Variants in TANC2 observed in about 807,000 individuals in gnomAD.
The protein encoded by TANC2 is protein TANC2.
In TANC2, 26 loss-of-function variants were observed where a neutral mutation model predicts 210.5. That is an observed-to-expected ratio of 0.12 (90% CI 0.09 to 0.17). The LOEUF (loss-of-function observed/expected upper bound fraction) is 0.17. TANC2 is among the 10% of genes least tolerant of loss of function. The probability of loss-of-function intolerance (pLI) is 1.00; values close to 1 mark genes in which losing one functional copy is unlikely to be tolerated. For missense variants in TANC2, 2,129 were observed against 2,608.9 expected, an observed-to-expected ratio of 0.82 and a Z score of 4.01; for synonymous variants, 931 against 967.1, an observed-to-expected ratio of 0.96 and a Z score of 0.69.
chr17:63,387,067 C>G (rs1358247352), intron 15 of TANC2, among the ~76,000 whole-genome samples: 5 of 152,116 alleles, frequency 3.3e-5, no homozygotes, highest in Non-Finnish European at 5.9e-5. Context: ...TTTCCCTGGT[C>G]TCAAGCTCCT....
chr17:63,019,868 C>CT (rs1568322631), intron 2 of TANC2, among the ~76,000 whole-genome samples: 1 of 152,084 alleles, frequency 6.6e-6, no homozygotes, highest in Non-Finnish European at 1.5e-5. Flanking sequence ...ATATTCTAGC[C>CT]TTTGTCAGAT....
At chr17:63,417,001 A>G (rs2048884375) in intron 26 of TANC2, among the ~76,000 whole-genome samples, 1 of 152,194 alleles carries the variant, frequency 6.6e-6, no homozygotes, top group Non-Finnish European at 1.5e-5. Flanking sequence ...CAAATAATAG[A>G]CTTTTTAAAA....
intron 12 of TANC2, among the ~76,000 whole-genome samples, chr17:63,345,331 T>A (rs1421945481): frequency 6.6e-6 from 1 of 152,154 alleles, no homozygotes; most frequent in Non-Finnish European, 1.5e-5. Flanking sequence ...AGATTAAACA[T>A]AATCCTGGCT....
chr17:63,122,185 A>C (rs1024252218), intron 4 of TANC2, among the ~76,000 whole-genome samples: 5 of 152,116 alleles, frequency 3.3e-5, no homozygotes, highest in African/African-American at 4.8e-5. Flanking sequence ...TGATAGAGAA[A>C]CGGTTTAGCA....
At position 63,411,457 on chromosome 17, in the gene TANC2, C is replaced by G. The variant is rs965192379; in HGVS notation, c.3590-54C>G. 5 of 1,535,704 alleles carry G rather than the reference C, an allele frequency of 3.3e-6. No individual in the cohort carries two copies. In the African/African-American group the frequency reaches 6.8e-5, roughly 21 times the overall value. ...CATGCCCCTTCAGCGTACTTCCCCT[C>G]CTGCTGTGTGATTCCATGTCTCCTC... On this transcript the variant is annotated intron_variant, in intron 21 of 27. Transcript: ENST00000689528.
At chr17:63,413,477 A>G (rs1448654239) in intron 24 of TANC2, 66 bp from the exon 25 acceptor site, 6 of 1,299,670 alleles carry the variant, frequency 4.6e-6, no homozygotes, top group Middle Eastern at 1.9e-4. Flanking sequence ...TATTTTTTTC[A>G]CCTAGCTTCC....
intron 8 of TANC2, among the ~76,000 whole-genome samples, chr17:63,244,411 T>C (rs1014752530): frequency 6.6e-6 from 1 of 152,230 alleles, no homozygotes; most frequent in African/African-American, 2.4e-5. Context: ...CCTACTCATT[T>C]TGTTTTAAAT....
intron 3 of TANC2, among the ~76,000 whole-genome samples, chr17:63,078,583 A>C (rs2036653455): frequency 1.3e-5 from 2 of 152,164 alleles, no homozygotes; most frequent in South Asian, 4.1e-4. Flanking sequence ...TTAGTTACAT[A>C]GATTCTGATA....
intron 4 of TANC2, among the ~76,000 whole-genome samples, chr17:63,109,137 A>G (rs1332753028): frequency 1.3e-5 from 2 of 151,722 alleles, no homozygotes; most frequent in East Asian, 1.9e-4. Flanking sequence ...TTATTAGAAA[A>G]CAAGAAGTAC....
At chr17:63,364,361 C>G (rs186760952) in intron 14 of TANC2, among the ~76,000 whole-genome samples, 4 of 150,658 alleles carry the variant, frequency 2.7e-5, no homozygotes, top group Admixed American at 1.3e-4. Context: ...TTTTTTTTTT[C>G]GTTTTCCAAA....
At chr17:63,382,724 T>G (rs899306702) in intron 15 of TANC2, among the ~76,000 whole-genome samples, 1 of 152,264 alleles carries the variant, frequency 6.6e-6, no homozygotes, top group African/African-American at 2.4e-5. Context: ...ATTCTAAATG[T>G]GTTGGGATTT....
chr17:63,054,581 C>T (rs568516603), intron 2 of TANC2, among the ~76,000 whole-genome samples: 3 of 149,630 alleles, frequency 2.0e-5, no homozygotes, highest in Non-Finnish European at 4.4e-5. Context: ...TGGAGTTTTA[C>T]CATGTTGGCC....
At chr17:63,395,459 C>G (rs17760841) in intron 17 of TANC2, among the ~76,000 whole-genome samples, 1 of 151,970 alleles carries the variant, frequency 6.6e-6, no homozygotes, top group Non-Finnish European at 1.5e-5. Context: ...CTCAGGAAGA[C>G]GAAGCTCAAA....
At chr17:63,084,044 T>A (rs1568370588) in intron 3 of TANC2, among the ~76,000 whole-genome samples, 2 of 152,176 alleles carry the variant, frequency 1.3e-5, no homozygotes, top group Non-Finnish European at 2.9e-5. Flanking sequence ...TTGAAAAAGA[T>A]TGTAGAGAAT....
At chr17:63,359,951 T>C (rs1567951649) in intron 14 of TANC2, among the ~76,000 whole-genome samples, 1 of 152,214 alleles carries the variant, frequency 6.6e-6, no homozygotes, top group Non-Finnish European at 1.5e-5. Flanking sequence ...TTTTTCCTAA[T>C]TTATTTGACC....
At chr17:63,133,397 G>A (rs1395623550) in intron 4 of TANC2, among the ~76,000 whole-genome samples, 3 of 152,152 alleles carry the variant, frequency 2.0e-5, no homozygotes, top group Admixed American at 6.5e-5. Flanking sequence ...GAGCCACCGC[G>A]CCTGGCCAGT....
chr17:63,164,807 CT>C (rs1315983881), intron 5 of TANC2, among the ~76,000 whole-genome samples: 1 of 152,046 alleles, frequency 6.6e-6, no homozygotes, highest in Non-Finnish European at 1.5e-5. Flanking sequence ...CTACTTTTTT[CT>C]TTTATTCAGA....
At chr17:63,379,804 T>A (rs1374531122) in exon 15 of TANC2, 1 of 1,611,276 alleles carries the variant, frequency 6.2e-7, no homozygotes, top group Non-Finnish European at 8.5e-7. Context: ...GGACATCACA[T>A]CCTCAAAGCA....
chr17:63,086,071 A>G (rs1263556642), intron 3 of TANC2, among the ~76,000 whole-genome samples: 1 of 150,104 alleles, frequency 6.7e-6, no homozygotes, highest in Non-Finnish European at 1.5e-5. Flanking sequence ...CTTTTCTTGT[A>G]TTGTTTCTGA....
Sources: gnomAD v4.1 joint callset for allele counts (sites outside exome capture counted in the v4.1 genomes callset) on GRCh38, gnomAD v4.1.1 for gene constraint, MANE v1.5 for transcripts, NCBI Gene and HGNC (gene_info 2026-07-23, HGNC 2026-07-21) for gene names.